Variants in KASH5 observed in about 807,000 individuals in gnomAD.
KASH5 encodes the protein protein KASH5.
KASH5 carries 72 observed loss-of-function variants against 84.2 expected under a neutral mutation model. The ratio of observed to expected loss-of-function variants is 0.85; its 90% CI spans 0.71 to 1.04. The LOEUF is 1.04. Among genes scored for constraint, KASH5 ranks in the 50% least tolerant of loss-of-function variants. The pLI, the probability that KASH5 is intolerant of heterozygous loss-of-function variation, is 0.00. For missense variants in KASH5, 650 were observed against 701.0 expected (o/e 0.93, Z 0.82); for synonymous variants, 260 against 279.1 (o/e 0.93, Z 0.68).
chr19:49,399,094 G>A lies in KASH5; in HGVS notation c.699G>A (p.Arg233=), dbSNP rs1974279873. ...EELEDLKTLA[R]SLEEQNRSLL... ...TGGAGGACCTGAAGACTCTGGCCAGGAGCCTGGAGGAACAGAATCGCAGCC... is the reference window on the plus strand; with the variant it reads ...TGGAGGACCTGAAGACTCTGGCCAGAAGCCTGGAGGAACAGAATCGCAGCC... The change falls in exon 8 of 20, where the codon AGG becomes AGA. Residue 233 remains arginine, a synonymous_variant. Transcript: ENST00000447857. The surrounding 1 kb of genome is among the most constrained non-coding windows in gnomAD (Gnocchi z 4.4). 6.4e-7 allele frequency: 1 copy of A among 1,551,736 alleles called. No homozygotes were observed. The highest frequency in any genetic ancestry group is 8.7e-7 in the Non-Finnish European group (1 of 1,147,008).
chr19:49,414,507 G>C lies in KASH5; in HGVS notation c.1329-444G>C, dbSNP rs1050099167. Among the ~76,000 whole-genome samples the C allele has an allele frequency of 2.0e-5, 3 of 152,122 alleles. No homozygotes were observed. The highest frequency in any genetic ancestry group is 4.4e-5 in the Non-Finnish European group (3 of 68,016). ...AGAGGCCTGAATCTCTGGTATTTTG[G>C]AGGGTGAGAGAGCCAGAAGCCTCAG... On this transcript the variant is annotated intron_variant, in intron 16 of 19. Coordinates refer to ENST00000447857, the MANE Select transcript of KASH5 (RefSeq NM_144688.5). The surrounding 1 kb of genome is among the most constrained non-coding windows in gnomAD (Gnocchi z 4.5).
rs79785583 is a variant in KASH5 at position 49,394,616 on chromosome 19, G to A, written c.148+36G>A. On this transcript the variant is annotated intron_variant, in intron 3 of 19. Transcript: ENST00000447857. ...CATGAGGGGTGCTGGGGACCAGTGCGGGCAGGATGGGGTGGAGGCTGGGAA... is the reference window on the plus strand; with the variant it reads ...CATGAGGGGTGCTGGGGACCAGTGCAGGCAGGATGGGGTGGAGGCTGGGAA... 6.9e-5 allele frequency: 105 copies of A among 1,515,594 alleles called. No individual in the cohort carries two copies. In the Admixed American group the frequency reaches 8.5e-4, roughly 12 times the overall value. The allele number at this position is 1,515,594 out of a possible 1,614,324, so 93.9% of individuals were successfully genotyped here. A position where few individuals can be genotyped will look rare whatever the true frequency, so the allele number is the denominator to read the frequency against.
At position 49,408,081 on chromosome 19, in the gene KASH5, A is replaced by G. The variant is rs143716488; in HGVS notation, c.993+410A>G. Among the ~76,000 whole-genome samples, 1,100 of 151,944 alleles carry G rather than the reference A, an allele frequency of 7.2e-3. 20 individuals carry two copies. The highest frequency in any genetic ancestry group is 0.041 in the Middle Eastern group (12 of 294). On this transcript the variant is annotated intron_variant, in intron 12 of 19. Coordinates refer to ENST00000447857, the MANE Select transcript of KASH5 (RefSeq NM_144688.5). ...CAGGTGCATGCCAGCATGCCCAGCT[A>G]ATTTTTGTGTTTTTAGTAGAGACGG...
At position 49,395,761 on chromosome 19, in the gene KASH5, T is replaced by C; in HGVS notation, c.336-8T>C. On this transcript the variant is annotated splice_region_variant and splice_polypyrimidine_tract_variant and intron_variant, in intron 4 of 19. Transcript: ENST00000447857. The surrounding 1 kb of genome is among the most constrained non-coding windows in gnomAD (Gnocchi z 4.4). ...AGTGGGGCGCTAAGCCTCATCCCTT[T>C]GATACAGGGGATTAGAGCTGGAAGA... 1.3e-6 allele frequency: 2 copies of C among 1,556,084 alleles called. No homozygotes were observed. Among genetic ancestry groups the C allele is most frequent in the Non-Finnish European group, 1.7e-6 (2 of 1,150,204 alleles).
intron 12 of KASH5, among the ~76,000 whole-genome samples, chr19:49,408,639 A>G (rs55987258): frequency 0.2 from 31,079 of 151,790 alleles, 3,434 homozygotes; most frequent in Non-Finnish European, 0.24. Flanking sequence ...TAGTAGAGAC[A>G]TGGTTTCACC....
chr19:49,406,422 G>A (rs1974527748), intron 9 of KASH5, among the ~76,000 whole-genome samples: 1 of 152,186 alleles, frequency 6.6e-6, no homozygotes, highest in Admixed American at 6.5e-5. Context: ...TGTCGCCCAG[G>A]CTGGAGTGCA....
At chr19:49,415,148 G>A in intron 17 of KASH5, 152 bp downstream of exon 17, 1 of 783,712 alleles carries the variant, frequency 1.3e-6, no homozygotes, top group Non-Finnish European at 2.1e-6. Flanking sequence ...CAAGGCCTTT[G>A]CTGTAGCTAA....
intron 17 of KASH5, 130 bp downstream of exon 17, chr19:49,415,126 G>A: frequency 1.1e-6 from 1 of 930,470 alleles, no homozygotes; most frequent in Non-Finnish European, 1.7e-6. Flanking sequence ...AAATCATTTG[G>A]CCAAGAGATA....
chr19:49,391,049 G>A, intron 2 of KASH5, 123 bp downstream of exon 2: 6 of 1,073,004 alleles, frequency 5.6e-6, no homozygotes, highest in South Asian at 2.9e-5. Flanking sequence ...CTTTGCATGG[G>A]TGCAGAGTGG....
Position 49,409,353 on chromosome 19 carries a change from A to G in KASH5, c.1146+70A>G, listed in dbSNP as rs1384009438. 3.4e-6 allele frequency: 5 copies of G among 1,483,240 alleles called. No homozygotes were observed. The East Asian group carries it at 1.2e-4, about 35-fold the overall frequency. 91.9% of individuals were successfully genotyped at this position (1,483,240 alleles called of 1,614,324 possible). A position where few individuals can be genotyped will look rare whatever the true frequency, so the allele number is the denominator to read the frequency against. On this transcript the variant is annotated intron_variant, in intron 14 of 19. Coordinates refer to ENST00000447857, the MANE Select transcript of KASH5 (RefSeq NM_144688.5). ...AATCTCCAAACATCTCCCTACTCTG[A>G]TCCTCACACCAGCCTAGCCCTAACC...
chr19:49,400,031 C>G (rs1320002127), intron 9 of KASH5, among the ~76,000 whole-genome samples: 1 of 152,056 alleles, frequency 6.6e-6, no homozygotes, highest in Non-Finnish European at 1.5e-5. Flanking sequence ...GAGTTCGAGA[C>G]CATCCCGGGC....
intron 17 of KASH5, chr19:49,415,266 G>A: frequency 1.8e-6 from 1 of 547,196 alleles, no homozygotes; most frequent in Non-Finnish European, 3.3e-6. Flanking sequence ...CCACACCGCA[G>A]GCCTCATAGA....
rs1201700576 is a variant in KASH5 at position 49,407,413 on chromosome 19, G to A, written c.933+117G>A. On this transcript the variant is annotated intron_variant, in intron 11 of 19. Transcript: ENST00000447857. ...TGATCCTTGGATGTGCAGCTGGAGA[G>A]ACTGGAGGGTTTCCCCAGGTCCCAA... The A allele has an allele frequency of 3.5e-5, 43 of 1,220,498 alleles. 1 individual carries two copies. In the Admixed American group the frequency reaches 8.7e-4, roughly 25 times the overall value. 75.6% of individuals were successfully genotyped at this position (1,220,498 alleles called of 1,614,324 possible).
In KASH5 at chr19:49,417,241, C is replaced by T. The variant is rs1276695672; in HGVS notation, c.1522C>T (p.Leu508Phe). The T allele has an allele frequency of 1.1e-5, 18 of 1,613,546 alleles. No homozygotes were observed. Among genetic ancestry groups the T allele is most frequent in the Non-Finnish European group, 1.5e-5 (18 of 1,179,726 alleles). ...VPVRRRAWGQ[L>F]CLPPQRLRVT... ...AGTCAGGAGGAGGGCCTGGGGCCAG[C>T]TCTGCCTGCCCCCACAGCGGCTCAG... The change falls in exon 19 of 20, where the codon CTC becomes TTC. Residue 508 changes from leucine to phenylalanine, a missense_variant. Transcript: ENST00000447857. This position sits in a 1 kb window ranked among gnomAD's most constrained non-coding sequence, Gnocchi z 5.2.
Position 49,417,255 on chromosome 19 carries a change from A to G in KASH5, c.1536A>G (p.Pro512=), listed in dbSNP as rs1974938509. ...RRAWGQLCLP[P]QRLRVTRHPL... ...CCTGGGGCCAGCTCTGCCTGCCCCC[A>G]CAGCGGCTCAGGTGTGCCCCCAGGC... The change falls in exon 19 of 20, where the codon CCA becomes CCG. Residue 512 remains proline, a synonymous_variant. Coordinates refer to ENST00000447857, the MANE Select transcript of KASH5 (RefSeq NM_144688.5). This position sits in a 1 kb window ranked among gnomAD's most constrained non-coding sequence, Gnocchi z 5.2. The G allele has an allele frequency of 6.8e-6, 11 of 1,612,854 alleles. No homozygotes were observed. In the East Asian group the frequency reaches 2.5e-4, roughly 36 times the overall value.
In KASH5 at chr19:49,414,714, C is replaced by G. The variant is rs1265751340; in HGVS notation, c.1329-237C>G. ...CGTGCTGCCTGGCCTCCCCCAGGCC[C>G]GTCCGTGCTGCCTGGCCTCCCCCAG... is the stretch of plus-strand genomic sequence containing the variant. On this transcript the variant is annotated intron_variant, in intron 16 of 19. Coordinates refer to ENST00000447857, the MANE Select transcript of KASH5 (RefSeq NM_144688.5). This position sits in a 1 kb window ranked among gnomAD's most constrained non-coding sequence, Gnocchi z 4.5. 6.8e-6 allele frequency among the ~76,000 whole-genome samples: 1 copy of G among 146,542 alleles called. No homozygotes were observed. Among genetic ancestry groups the G allele is most frequent in the East Asian group, 2.1e-4 (1 of 4,852 alleles).
chr19:49,395,217 G>A lies in KASH5; in HGVS notation c.260G>A (p.Gly87Asp). The change falls in exon 4 of 20, where the codon GGC (glycine) becomes GAC (aspartate). Residue 87 changes from glycine to aspartate, a missense_variant. By Grantham distance (94) the Gly-to-Asp change is moderately conservative (BLOSUM62 -1). Coordinates refer to ENST00000447857, the MANE Select transcript of KASH5 (RefSeq NM_144688.5). The surrounding 1 kb of genome is among the most constrained non-coding windows in gnomAD (Gnocchi z 4.4). ...AACAGCCTGGACCCCAATGGGGAGG[G>A]CCCTAAGGCCACTGTGGACTTGGAC... ...LANSLDPNGE[G>D]PKATVDLDTF... The A allele has an allele frequency of 6.2e-7, 1 of 1,612,310 alleles. No homozygotes were observed. Among genetic ancestry groups the A allele is most frequent in the Non-Finnish European group, 8.5e-7 (1 of 1,179,318 alleles).
rs751972867 is a variant in KASH5, at chr19:49,398,182, G to T, written c.629+39G>T. The T allele has an allele frequency of 1.4e-5, 22 of 1,518,596 alleles. No homozygotes were observed. In the Admixed American group the frequency reaches 4.4e-4, roughly 30 times the overall value. The allele number at this position is 1,518,596 out of a possible 1,614,324, so 94.1% of individuals were successfully genotyped here. Reference sequence around the variant, plus strand: ...CACACCCACCCTCCCCAGCGCCCCTGCCTCCGTCCTCCCTGCAGCAGCCGG... The same window carrying T: ...CACACCCACCCTCCCCAGCGCCCCTTCCTCCGTCCTCCCTGCAGCAGCCGG... On this transcript the variant is annotated intron_variant, in intron 7 of 19. Coordinates refer to ENST00000447857, the MANE Select transcript of KASH5 (RefSeq NM_144688.5).
chr19:49,410,249 T>C (rs956262715), intron 15 of KASH5, among the ~76,000 whole-genome samples: 1 of 152,242 alleles, frequency 6.6e-6, no homozygotes, highest in Non-Finnish European at 1.5e-5. Flanking sequence ...TAAGCATTTA[T>C]GTTTCAAATG....
Sources: allele counts gnomAD v4.1 joint callset (sites outside exome capture counted in the v4.1 genomes callset), GRCh38; gene constraint gnomAD v4.1.1; non-coding constraint Gnocchi (gnomAD v3.1); transcripts MANE v1.5; gene names NCBI Gene and HGNC (gene_info 2026-07-23, HGNC 2026-07-21).